PLS3: variants seen among roughly 807,000 people sequenced by gnomAD.
PLS3 encodes plastin 3, also known as plastin-3.
PLS3 carries 11 observed loss-of-function variants against 46.5 expected under a neutral mutation model. The observed-to-expected ratio is 0.24, with a 90% CI of 0.15 to 0.39. PLS3 has a LOEUF of 0.39. Ranked by LOEUF, PLS3 falls within the 10% of genes least tolerant of loss-of-function variation. PLS3 has a pLI of 1.00. For synonymous variants in PLS3, 167 were observed against 162.2 expected (o/e 1.03, Z -0.22); for missense variants, 308 against 461.8 (o/e 0.67, Z 3.05).
intron 5 of PLS3, among the ~76,000 whole-genome samples, chrX:115,633,651 C>T (rs782010403): frequency 2.9e-4 from 32 of 109,731 alleles, no homozygotes; most frequent in East Asian, 1.7e-3. Flanking sequence ...CCACCATGCC[C>T]GGCTAATTTT....
intron 1 of PLS3, among the ~76,000 whole-genome samples, chrX:115,582,080 T>A (rs12008412): frequency 0.015 from 1,704 of 112,455 alleles, 37 homozygotes; most frequent in African/African-American, 0.052. Context: ...TCTTCACATA[T>A]AATTTATCTG....
chrX:115,634,386 C>T (rs1459065003), intron 6 of PLS3, among the ~76,000 whole-genome samples: 2 of 111,815 alleles, frequency 1.8e-5, no homozygotes, highest in Non-Finnish European at 3.8e-5. Context: ...AATTAACTGG[C>T]GTGCTTAAGA....
chrX:115,609,557 A>G (rs1161842653), intron 1 of PLS3, among the ~76,000 whole-genome samples: 1 of 112,039 alleles, frequency 8.9e-6, no homozygotes, highest in Non-Finnish European at 1.9e-5. Flanking sequence ...ATCCAGCTTG[A>G]GGTCATACAA....
chrX:115,627,847 G>A (rs782426070), intron 3 of PLS3, among the ~76,000 whole-genome samples: 8 of 112,031 alleles, frequency 7.1e-5, no homozygotes, highest in Non-Finnish European at 1.1e-4. Flanking sequence ...TACTGAGTAA[G>A]CTTGATTTTG....
intron 2 of PLS3, among the ~76,000 whole-genome samples, chrX:115,617,319 A>G (rs1177639395): frequency 1.8e-5 from 2 of 111,966 alleles, no homozygotes; most frequent in African/African-American, 6.5e-5. Flanking sequence ...ACCAAATTAC[A>G]GATCTGAAGG....
At chrX:115,642,668 G>GA (rs2074910533) in intron 9 of PLS3, among the ~76,000 whole-genome samples, 1 of 110,620 alleles carries the variant, frequency 9.0e-6, no homozygotes, top group African/African-American at 3.3e-5. Flanking sequence ...AGAGCCAGTA[G>GA]AAAAAAGGAG....
chrX:115,619,013 T>G (rs144625722), intron 2 of PLS3, among the ~76,000 whole-genome samples: 2 of 112,694 alleles, frequency 1.8e-5, no homozygotes, highest in African/African-American at 6.4e-5. Context: ...ATATTATACT[T>G]AGGTAATAAG....
chrX:115,570,056 C>T (rs1022456734), intron 1 of PLS3, among the ~76,000 whole-genome samples: 7 of 111,205 alleles, frequency 6.3e-5, no homozygotes, highest in African/African-American at 2.3e-4. Context: ...CCTGCCTCAG[C>T]CTTGTGAGTA....
chrX:115,563,367 T>G (rs782429012), intron 1 of PLS3, among the ~76,000 whole-genome samples: 1 of 111,327 alleles, frequency 9.0e-6, no homozygotes, highest in Admixed American at 9.6e-5. Flanking sequence ...CTGTCAGTGG[T>G]TTGGTAGAAT....
intron 13 of PLS3, 81 bp downstream of exon 13, chrX:115,646,616 A>C: frequency 1.2e-6 from 1 of 851,264 alleles, no homozygotes. Flanking sequence ...TAATAAGTGG[A>C]TATGTCGATA....
chrX:115,601,960 T>C (rs1321701101), intron 1 of PLS3, among the ~76,000 whole-genome samples: 2 of 111,994 alleles, frequency 1.8e-5, no homozygotes, highest in Non-Finnish European at 3.8e-5. Flanking sequence ...TGGCCACTTC[T>C]AAATTGGACC....
intron 11 of PLS3, 91 bp from the exon 12 acceptor site, chrX:115,645,981 A>T: frequency 1.9e-6 from 1 of 517,153 alleles, no homozygotes; most frequent in Non-Finnish European, 3.5e-6. Context: ...GGTTTTATAT[A>T]TCTTGTTTGA....
chrX:115,646,223 AT>A, intron 12 of PLS3, 37 bp downstream of exon 12: 1 of 896,863 alleles, frequency 1.1e-6, no homozygotes, highest in Non-Finnish European at 1.6e-6. Context: ...TTGTTAGAGT[AT>A]TTTTATTCTC....
chrX:115,600,472 G>A (rs2074432178), intron 1 of PLS3, among the ~76,000 whole-genome samples: 1 of 111,558 alleles, frequency 9.0e-6, no homozygotes, highest in African/African-American at 3.3e-5. Context: ...CCAACATCCA[G>A]CAATGAGAGT....
intron 8 of PLS3, among the ~76,000 whole-genome samples, chrX:115,638,742 T>A (rs2074863842): frequency 9.1e-6 from 1 of 109,773 alleles, no homozygotes; most frequent in Non-Finnish European, 1.9e-5. Context: ...AGATGGAGTC[T>A]TGCTCTGTCG....
At chrX:115,630,040 C>T (rs2074748829) in intron 5 of PLS3, 73 bp downstream of exon 5, 2 of 740,282 alleles carry the variant, frequency 2.7e-6, no homozygotes, top group Non-Finnish European at 3.9e-6. Context: ...TTTGTTTCTG[C>T]ATGCTTGACA....
At chrX:115,631,159 C>T (rs2074770964) in intron 5 of PLS3, among the ~76,000 whole-genome samples, 1 of 105,776 alleles carries the variant, frequency 9.5e-6, no homozygotes, top group Admixed American at 1.1e-4. Context: ...GGGTTCAAGC[C>T]ATTCTCCTGC....
chrX:115,623,241 G>A (rs782738808), intron 3 of PLS3, among the ~76,000 whole-genome samples: 6 of 111,888 alleles, frequency 5.4e-5, no homozygotes, highest in South Asian at 3.7e-4. Context: ...CTGTAACTCC[G>A]GCACTTTGGT....
intron 1 of PLS3, among the ~76,000 whole-genome samples, chrX:115,581,693 TC>T (rs1391935586): frequency 8.9e-6 from 1 of 112,227 alleles, no homozygotes; most frequent in Non-Finnish European, 1.9e-5. Flanking sequence ...AACAAAACGT[TC>T]CGGTTATATT....
Sources: allele counts gnomAD v4.1 joint callset (sites outside exome capture counted in the v4.1 genomes callset), GRCh38; gene constraint gnomAD v4.1.1; transcripts MANE v1.5; gene names NCBI Gene and HGNC (gene_info 2026-07-23, HGNC 2026-07-21).